Variants in LRMDA observed in about 807,000 individuals in gnomAD.
The protein encoded by LRMDA is leucine-rich melanocyte differentiation-associated protein.
In LRMDA, 18 loss-of-function variants were observed where a neutral mutation model predicts 29.8. The ratio of observed to expected loss-of-function variants is 0.60; its 90% CI spans 0.42 to 0.90. The LOEUF (loss-of-function observed/expected upper bound fraction) is 0.90, where lower values mean the gene tolerates loss of function less well. Among genes scored for constraint, LRMDA ranks in the 40% least tolerant of loss-of-function variants. The pLI, the probability that LRMDA is intolerant of heterozygous loss-of-function variation, is 0.00. For missense variants in LRMDA, 273 were observed against 273.9 expected (o/e 1.00, Z 0.02); for synonymous variants, 125 against 109.4 (o/e 1.14, Z -0.89).
intron 5 of LRMDA, among the ~76,000 whole-genome samples, chr10:76,192,727 C>G (rs1851267541): frequency 1.3e-5 from 2 of 152,116 alleles, no homozygotes; most frequent in African/African-American, 4.8e-5. Flanking sequence ...AGAAATCTTT[C>G]CCAGCAATTT....
rs1220064497 is a variant in LRMDA, at chr10:76,496,429, A to T, written c.602-60780A>T. Among the ~76,000 whole-genome samples the T allele has an allele frequency of 2.7e-5, 2 of 75,440 alleles. 1 individual carries two copies. The highest frequency in any genetic ancestry group is 2.5e-4 in the Admixed American group (2 of 8,108). 49.5% of individuals were successfully genotyped at this position (75,440 alleles called of 152,430 possible). A position where few individuals can be genotyped will look rare whatever the true frequency, so the allele number is the denominator to read the frequency against. On this transcript the variant is annotated intron_variant, in intron 6 of 6. Transcript: ENST00000611255. ...TCAGCAAACTGAAGCAATGCTTGAAAATACCTCATTTGTTTTCCCTCTATT... is the reference window on the plus strand; with the variant it reads ...TCAGCAAACTGAAGCAATGCTTGAATATACCTCATTTGTTTTCCCTCTATT...
chr10:76,040,264 G>A (rs1454766653), intron 3 of LRMDA, among the ~76,000 whole-genome samples: 1 of 152,152 alleles, frequency 6.6e-6, no homozygotes, highest in Non-Finnish European at 1.5e-5. Flanking sequence ...CTGGGAGTCT[G>A]CTCTTAAAAG....
chr10:75,838,197 G>A (rs566445731), intron 2 of LRMDA, among the ~76,000 whole-genome samples: 165 of 152,250 alleles, frequency 1.1e-3, no homozygotes, highest in African/African-American at 3.7e-3. Context: ...TATGAGCGTG[G>A]CTTTATCGAA....
chr10:76,224,359 C>A (rs1421561850), intron 5 of LRMDA, among the ~76,000 whole-genome samples: 1 of 151,398 alleles, frequency 6.6e-6, no homozygotes, highest in Non-Finnish European at 1.5e-5. Context: ...ATTGCTTGAG[C>A]CCAGGAGTTC....
chr10:75,595,774 G>A (rs1384191147), intron 2 of LRMDA, among the ~76,000 whole-genome samples: 1 of 151,918 alleles, frequency 6.6e-6, no homozygotes, highest in African/African-American at 2.4e-5. Context: ...AAGTTGAAAA[G>A]ACTAGGAAAT....
At chr10:76,102,883 T>A (rs947172373) in intron 5 of LRMDA, among the ~76,000 whole-genome samples, 10 of 152,106 alleles carry the variant, frequency 6.6e-5, no homozygotes, top group African/African-American at 2.4e-4. Flanking sequence ...AACTCTTGGG[T>A]TCAAGCAGTC....
intron 2 of LRMDA, among the ~76,000 whole-genome samples, chr10:75,867,163 A>C (rs919786944): frequency 1.3e-5 from 2 of 151,856 alleles, no homozygotes; most frequent in Admixed American, 6.5e-5. Flanking sequence ...AGTGAGATAC[A>C]GATTTTTATT....
intron 5 of LRMDA, among the ~76,000 whole-genome samples, chr10:76,139,470 A>G (rs1048345958): frequency 1.3e-5 from 2 of 152,078 alleles, no homozygotes; most frequent in Non-Finnish European, 2.9e-5. Context: ...GGTTTCAAAT[A>G]TTATGCATAA....
chr10:76,250,610 G>T (rs1852460378), intron 5 of LRMDA, among the ~76,000 whole-genome samples: 1 of 152,144 alleles, frequency 6.6e-6, no homozygotes, highest in Admixed American at 6.5e-5. Flanking sequence ...CAGGACTGAG[G>T]TCACATTTTT....
intron 6 of LRMDA, among the ~76,000 whole-genome samples, chr10:76,412,147 G>C (rs1309069296): frequency 6.6e-6 from 1 of 152,220 alleles, no homozygotes; most frequent in Non-Finnish European, 1.5e-5. Flanking sequence ...TCCAGCATGA[G>C]TGCCTGAGAA....
At chr10:75,714,861 T>C (rs59377933) in intron 2 of LRMDA, among the ~76,000 whole-genome samples, 1,127 of 79,530 alleles carry the variant, frequency 0.014, 15 homozygotes, top group African/African-American at 0.1. Context: ...CTCCCTCCCT[T>C]CCTTCCTTCC....
intron 5 of LRMDA, among the ~76,000 whole-genome samples, chr10:76,294,563 A>G (rs1212856263): frequency 6.6e-6 from 1 of 152,186 alleles, no homozygotes; most frequent in Admixed American, 6.6e-5. Flanking sequence ...AGGAGCTGGA[A>G]AAAGGCCTTT....
intron 5 of LRMDA, among the ~76,000 whole-genome samples, chr10:76,210,367 T>G (rs1851614072): frequency 6.6e-6 from 1 of 152,188 alleles, no homozygotes; most frequent in Non-Finnish European, 1.5e-5. Context: ...GAATCACAAA[T>G]ACATAATTCA....
intron 2 of LRMDA, among the ~76,000 whole-genome samples, chr10:75,983,415 G>A (rs1166734311): frequency 6.6e-6 from 1 of 152,156 alleles, no homozygotes; most frequent in East Asian, 1.9e-4. Flanking sequence ...TGTGGCGGGG[G>A]TTCTGTGAGG....
At chr10:76,040,201 G>A (rs1848318084) in intron 3 of LRMDA, among the ~76,000 whole-genome samples, 2 of 152,158 alleles carry the variant, frequency 1.3e-5, no homozygotes, top group Non-Finnish European at 2.9e-5. Context: ...AGATACAGGA[G>A]GAGTCAGCAT....
chr10:76,363,233 A>G lies in LRMDA; in HGVS notation c.601+38748A>G, dbSNP rs868823892. 7.1e-3 allele frequency among the ~76,000 whole-genome samples: 365 copies of G among 51,088 alleles called. 35 individuals are homozygous for G. The highest frequency in any genetic ancestry group is 0.026 in the African/African-American group (318 of 12,334). 33.5% of individuals were successfully genotyped at this position (51,088 alleles called of 152,430 possible). On this transcript the variant is annotated intron_variant, in intron 6 of 6. Coordinates refer to ENST00000611255, the MANE Select transcript of LRMDA (RefSeq NM_001305581.2). ...GGGAAGGAAGAGAAAGAAAGAAAGA[A>G]AGAAAGAAAGAAAGAAAGAAAGAAG...
intron 5 of LRMDA, among the ~76,000 whole-genome samples, chr10:76,148,538 G>A (rs1415019117): frequency 6.6e-6 from 1 of 152,118 alleles, no homozygotes; most frequent in African/African-American, 2.4e-5. Flanking sequence ...AAGCCCATTG[G>A]AAAAGCACAG....
chr10:76,263,802 G>A (rs569433459), intron 5 of LRMDA, among the ~76,000 whole-genome samples: 1 of 152,196 alleles, frequency 6.6e-6, no homozygotes, highest in African/African-American at 2.4e-5. Context: ...AGGGATAAAA[G>A]TGTAACCCAG....
chr10:75,607,002 G>T (rs939439673), intron 2 of LRMDA, among the ~76,000 whole-genome samples: 4 of 152,174 alleles, frequency 2.6e-5, no homozygotes, highest in Non-Finnish European at 5.9e-5. Context: ...TAGGAAGGAG[G>T]CCAGTTTGGA....
Sources: gnomAD v4.1 joint callset for allele counts (sites outside exome capture counted in the v4.1 genomes callset) on GRCh38, gnomAD v4.1.1 for gene constraint, MANE v1.5 for transcripts, NCBI Gene and HGNC (gene_info 2026-07-23, HGNC 2026-07-21) for gene names.